STN1: variants seen among roughly 807,000 people sequenced by gnomAD.
STN1 encodes the protein STN1 subunit of CST complex, also known as CST complex subunit STN1.
STN1 carries 29 observed loss-of-function variants against 45.5 expected under a neutral mutation model. The observed-to-expected ratio is 0.64, with a 90% CI of 0.47 to 0.87. The LOEUF is 0.87. Ranked by LOEUF, STN1 falls within the 40% of genes least tolerant of loss-of-function variation. The pLI, the probability that STN1 is intolerant of heterozygous loss-of-function variation, is 0.00. For synonymous variants in STN1, 148 were observed against 159.0 expected (o/e 0.93, Z 0.52); for missense variants, 376 against 441.4 (o/e 0.85, Z 1.33).
At chr10:103,913,659 A>G (rs1843305876) in intron 2 of STN1, among the ~76,000 whole-genome samples, 2 of 152,220 alleles carry the variant, frequency 1.3e-5, no homozygotes, top group African/African-American at 4.8e-5. Flanking sequence ...GAAGACATGG[A>G]AAAAAGAATT....
Position 103,889,163 on chromosome 10 carries a change from TGAGAGA to T in STN1, c.877-25_877-20del. The T allele has an allele frequency of 6.4e-7, 1 of 1,553,964 alleles. No homozygotes were observed. The highest frequency in any genetic ancestry group is 8.9e-7 in the Non-Finnish European group (1 of 1,125,386). On this transcript the variant is annotated intron_variant, in intron 8 of 9. Transcript: ENST00000224950. ...TGGTTACCTAAATAGGAAAAATAGT[TGAGAGA>T]GAGAGTGTTCTTAGGTAACACAGCA...
chr10:103,888,939 T>C, intron 9 of STN1, 133 bp downstream of exon 9: 1 of 649,740 alleles, frequency 1.5e-6, no homozygotes, highest in Non-Finnish European at 2.8e-6. Context: ...GGAGGGCAGG[T>C]ACTTTGACTA....
At chr10:103,915,452 C>A (rs1172817835) in intron 2 of STN1, among the ~76,000 whole-genome samples, 1 of 152,084 alleles carries the variant, frequency 6.6e-6, no homozygotes, top group Non-Finnish European at 1.5e-5. Flanking sequence ...CGAGAGGGCA[C>A]CATGAATAAT....
At chr10:103,905,395 C>T (rs1380206403) in intron 3 of STN1, among the ~76,000 whole-genome samples, 1 of 152,218 alleles carries the variant, frequency 6.6e-6, no homozygotes, top group Non-Finnish European at 1.5e-5. Flanking sequence ...CAGCATTTCA[C>T]TTATCCTACC....
Position 103,905,263 on chromosome 10 carries a change from C to A in STN1, c.230-107G>T. 2.1e-6 allele frequency: 2 copies of A among 955,876 alleles called. 1 individual carries two copies. The highest frequency in any genetic ancestry group is 2.7e-5 in the South Asian group (2 of 73,962). 59.2% of individuals were successfully genotyped at this position (955,876 alleles called of 1,614,324 possible). On this transcript the variant is annotated intron_variant, in intron 3 of 9. Coordinates refer to ENST00000224950, the MANE Select transcript of STN1 (RefSeq NM_024928.5). ...CTGAAAGATGACCTCTTTCAATAGC[C>A]TGGAGAAGCAAATCCCTTATCAAAC... is the stretch of plus-strand genomic sequence containing the variant.
Position 103,897,690 on chromosome 10 carries a change from A to C in STN1, c.611T>G (p.Leu204Arg), listed in dbSNP as rs981581004. The change falls in exon 7 of 10, where the codon CTC becomes CGC. Residue 204 changes from leucine (L) to arginine (R), a missense_variant. By Grantham distance (102) the Leu-to-Arg change is moderately radical. Coordinates refer to ENST00000224950, the MANE Select transcript of STN1 (RefSeq NM_024928.5). Reference sequence around the variant, plus strand: ...GGCTTTTTCACTCAGCAAACTCGTGAGACTGGGGAGGTCCAGGGCGCCTGG... The same window carrying C: ...GGCTTTTTCACTCAGCAAACTCGTGCGACTGGGGAGGTCCAGGGCGCCTGG... ...SNPGALDLPS[L>R]TSLLSEKAKE... 1.2e-6 allele frequency: 2 copies of C among 1,614,186 alleles called. No homozygotes were observed. Among genetic ancestry groups the C allele is most frequent in the Admixed American group, 3.3e-5 (2 of 60,028 alleles).
chr10:103,901,205 T>A (rs1347044750), intron 4 of STN1, among the ~76,000 whole-genome samples: 1 of 152,166 alleles, frequency 6.6e-6, no homozygotes, highest in East Asian at 1.9e-4. Flanking sequence ...TTTTCCTGTC[T>A]AGCATAATTT....
intron 2 of STN1, among the ~76,000 whole-genome samples, chr10:103,912,291 C>G (rs1173117987): frequency 6.6e-6 from 1 of 152,132 alleles, no homozygotes; most frequent in Non-Finnish European, 1.5e-5. Flanking sequence ...CTCTTGGCCT[C>G]CCAAAGCACT....
At chr10:103,918,011 T>C (rs560066466) in intron 1 of STN1, 89 bp downstream of exon 1, 2 of 162,806 alleles carry the variant, frequency 1.2e-5, no homozygotes, top group South Asian at 3.0e-4. Context: ...GCATAGTGGA[T>C]GGGTCTGACT....
At chr10:103,902,139 C>T (rs575335693) in intron 4 of STN1, among the ~76,000 whole-genome samples, 50 of 152,162 alleles carry the variant, frequency 3.3e-4, no homozygotes, top group African/African-American at 1.2e-3. Context: ...CTACTATACC[C>T]AGGGAAACAG....
At chr10:103,893,002 A>G (rs1843149632) in intron 7 of STN1, among the ~76,000 whole-genome samples, 1 of 152,282 alleles carries the variant, frequency 6.6e-6, no homozygotes, top group South Asian at 2.1e-4. Context: ...ACTTTGTTTC[A>G]TCTTGGCCAC....
chr10:103,915,864 C>A (rs1298724161), intron 2 of STN1, among the ~76,000 whole-genome samples: 1 of 152,008 alleles, frequency 6.6e-6, no homozygotes. Flanking sequence ...GATCATGAGG[C>A]ATTAGATTAT....
At position 103,879,299 on chromosome 10, in the gene STN1, G is replaced by A. The variant is rs950993197; in HGVS notation, c.*3385C>T. ...ATCATGGAACATTCTGTCTATTGGG[G>A]GAAAATAATAAACAGGGCAAGTAAG... On this transcript the variant is annotated 3_prime_UTR_variant, in exon 10 of 10. Transcript: ENST00000224950. The A allele has an allele frequency of 2.0e-5, 3 of 152,376 alleles. No individual in the cohort carries two copies. The highest frequency in any genetic ancestry group is 4.4e-5 in the Non-Finnish European group (3 of 68,228). 9.4% of individuals were successfully genotyped at this position (152,376 alleles called of 1,614,324 possible). A position where few individuals can be genotyped will look rare whatever the true frequency, so the allele number is the denominator to read the frequency against.
chr10:103,901,892 A>C (rs905371948), intron 4 of STN1, among the ~76,000 whole-genome samples: 1 of 152,204 alleles, frequency 6.6e-6, no homozygotes, highest in East Asian at 1.9e-4. Flanking sequence ...TAATGCATGC[A>C]GGCTCACAAC....
intron 2 of STN1, among the ~76,000 whole-genome samples, chr10:103,912,722 C>T (rs1193338316): frequency 6.6e-6 from 1 of 152,238 alleles, no homozygotes; most frequent in Non-Finnish European, 1.5e-5. Context: ...TCTGGCTGCA[C>T]TCAGCCCTTT....
intron 8 of STN1, among the ~76,000 whole-genome samples, chr10:103,889,502 CCTT>C (rs777722180): frequency 6.6e-6 from 1 of 151,510 alleles, no homozygotes; most frequent in African/African-American, 2.4e-5. Flanking sequence ...CCCCATGACT[CCTT>C]CTTCTGGGCC....
intron 7 of STN1, among the ~76,000 whole-genome samples, chr10:103,892,769 G>A (rs1159408855): frequency 2.6e-5 from 4 of 152,182 alleles, no homozygotes; most frequent in African/African-American, 9.7e-5. Flanking sequence ...GAGTCCACAA[G>A]GCTGAAGGTA....
At chr10:103,902,549 A>G (rs373558063) in intron 4 of STN1, among the ~76,000 whole-genome samples, 3 of 152,234 alleles carry the variant, frequency 2.0e-5, no homozygotes, top group East Asian at 3.8e-4. Context: ...TTCAGTGTCT[A>G]TTCCATCATG....
In STN1 at chr10:103,897,547, C is replaced by G; in HGVS notation, c.753+1G>C. On this transcript the variant is annotated splice_donor_variant, in intron 7 of 9. Transcript: ENST00000224950. LOFTEE classifies it high-confidence loss of function. ...TTCTCACATGGGCATGCTGCACTCA[C>G]TTGGTCGGAGGAGGCACTGTGAATC... The G allele has an allele frequency of 6.2e-7, 1 of 1,613,956 alleles. No homozygotes were observed. The highest frequency in any genetic ancestry group is 8.5e-7 in the Non-Finnish European group (1 of 1,179,868).
Sources: allele counts gnomAD v4.1 joint callset (sites outside exome capture counted in the v4.1 genomes callset), GRCh38; gene constraint gnomAD v4.1.1; transcripts MANE v1.5; gene names NCBI Gene and HGNC (gene_info 2026-07-23, HGNC 2026-07-21).